CNGB3: variants seen among roughly 807,000 people sequenced by gnomAD.
The protein encoded by CNGB3 is cyclic nucleotide gated channel subunit beta 3.
A neutral mutation model predicts 92.8 loss-of-function variants in CNGB3; 86 were observed. The observed-to-expected ratio is 0.93, with a 90% confidence interval of 0.78 to 1.11. The LOEUF (loss-of-function observed/expected upper bound fraction) is 1.11, where lower values mean the gene tolerates loss of function less well. CNGB3 is among the 50% of genes least tolerant of loss of function. The pLI is 0.00. For synonymous variants in CNGB3, 333 were observed against 332.7 expected, an observed-to-expected ratio of 1.00 and a Z score of -0.01; for missense variants, 1,026 against 956.8, an observed-to-expected ratio of 1.07 and a Z score of -0.95.
intron 3 of CNGB3, among the ~76,000 whole-genome samples, chr8:86,686,135 G>C (rs1824183717): frequency 6.6e-6 from 1 of 152,082 alleles, no homozygotes; most frequent in Non-Finnish European, 1.5e-5. Flanking sequence ...CTCTCCTGAT[G>C]AACATTGTCA....
intron 15 of CNGB3, among the ~76,000 whole-genome samples, chr8:86,590,746 G>T (rs1050568352): frequency 1.4e-5 from 2 of 144,604 alleles, no homozygotes; most frequent in Non-Finnish European, 3.0e-5. Flanking sequence ...AGGGTAACCC[G>T]ACCTTTCTCT....
At chr8:86,584,810 C>A (rs865877169) in intron 15 of CNGB3, among the ~76,000 whole-genome samples, 4 of 152,080 alleles carry the variant, frequency 2.6e-5, no homozygotes, top group Non-Finnish European at 5.9e-5. Flanking sequence ...TTTGCTATGA[C>A]CTTAGACAAT....
chr8:86,742,296 T>C (rs1014871263), intron 1 of CNGB3, among the ~76,000 whole-genome samples: 1 of 152,228 alleles, frequency 6.6e-6, no homozygotes, highest in Non-Finnish European at 1.5e-5. Context: ...TGTGACATTG[T>C]ATGAGTTCTT....
At chr8:86,600,652 C>T (rs1276505215) in intron 15 of CNGB3, among the ~76,000 whole-genome samples, 4 of 150,906 alleles carry the variant, frequency 2.7e-5, no homozygotes, top group Admixed American at 2.6e-4. Context: ...CCCTGTCACC[C>T]AGGCTGGAGC....
rs766409709 is a variant in CNGB3 at position 86,579,182 on chromosome 8, T to C, written c.1852A>G (p.Thr618Ala). ...VVAHGFANLL[T>A]LDKKTLQEIL... ...TCTTGGAGGGTCTTTTTGTCTAGAG[T>C]TAAAAGATTGGCAAACCCGTGGGCC... The change falls in exon 16 of 18, where the codon ACT becomes GCT. Residue 618 changes from threonine (T) to alanine (A), a missense_variant. By Grantham distance (58) the Thr-to-Ala change is moderately conservative. Transcript: ENST00000320005. The C allele has an allele frequency of 1.4e-5, 23 of 1,613,968 alleles. No individual in the cohort carries two copies. Among genetic ancestry groups the C allele is most frequent in the Non-Finnish European group, 1.8e-5 (21 of 1,180,010 alleles).
chr8:86,648,127 A>C (rs16916427), intron 7 of CNGB3, among the ~76,000 whole-genome samples: 47,870 of 150,966 alleles, frequency 0.32, 8,896 homozygotes, highest in Middle Eastern at 0.51. Flanking sequence ...ATCTCTCCTT[A>C]GGCGTTGCAT....
At chr8:86,651,783 T>G (rs1341999923) in intron 7 of CNGB3, among the ~76,000 whole-genome samples, 1 of 151,976 alleles carries the variant, frequency 6.6e-6, no homozygotes, top group African/African-American at 2.4e-5. Flanking sequence ...CAAGACAATT[T>G]GCAAAGCATG....
intron 3 of CNGB3, among the ~76,000 whole-genome samples, chr8:86,688,708 T>TG (rs1824237460): frequency 6.6e-6 from 1 of 152,040 alleles, no homozygotes; most frequent in Admixed American, 6.6e-5. Context: ...TATATTTTTT[T>TG]CTTAGTCTTG....
chr8:86,619,968 GCCTCAA>G (rs1301938042), intron 13 of CNGB3, among the ~76,000 whole-genome samples: 6 of 151,998 alleles, frequency 3.9e-5, no homozygotes, highest in Non-Finnish European at 8.8e-5. Context: ...CAATCCTCTT[GCCTCAA>G]CCTCCCAAAG....
intron 14 of CNGB3, among the ~76,000 whole-genome samples, chr8:86,607,303 G>A (rs1822429017): frequency 6.6e-6 from 1 of 152,142 alleles, no homozygotes. Flanking sequence ...GAGAATAAGG[G>A]CTGACAGCAT....
At chr8:86,650,490 T>C (rs2131600007) in intron 7 of CNGB3, among the ~76,000 whole-genome samples, 1 of 151,094 alleles carries the variant, frequency 6.6e-6, no homozygotes, top group Non-Finnish European at 1.5e-5. Context: ...CAACCGATCT[T>C]TGTAACAAGA....
At chr8:86,700,789 C>T (rs1375038080) in intron 3 of CNGB3, among the ~76,000 whole-genome samples, 3 of 152,084 alleles carry the variant, frequency 2.0e-5, no homozygotes, top group Non-Finnish European at 4.4e-5. Context: ...TAGACTGTGC[C>T]ACCACGCTGG....
At chr8:86,593,649 G>T in intron 15 of CNGB3, 3 of 524,548 alleles carry the variant, frequency 5.7e-6, no homozygotes, top group Admixed American at 2.7e-5. Context: ...CCCCACTGAG[G>T]TGGACCCTAA....
intron 3 of CNGB3, among the ~76,000 whole-genome samples, chr8:86,672,731 T>C (rs943012487): frequency 6.6e-6 from 1 of 152,186 alleles, no homozygotes; most frequent in Non-Finnish European, 1.5e-5. Context: ...CCCACAGATA[T>C]ATTACATCTA....
chr8:86,674,103 G>T (rs973141715), intron 3 of CNGB3, among the ~76,000 whole-genome samples: 2 of 152,176 alleles, frequency 1.3e-5, no homozygotes, highest in African/African-American at 2.4e-5. Context: ...TGATGTGCCT[G>T]AGTGCTTTAA....
chr8:86,649,922 C>A (rs1007072482), intron 7 of CNGB3, among the ~76,000 whole-genome samples: 2 of 151,548 alleles, frequency 1.3e-5, no homozygotes, highest in Non-Finnish European at 3.0e-5. Context: ...TATCCAGAAT[C>A]TACAAGGAAC....
At chr8:86,623,938 T>C (rs1013349965) in intron 13 of CNGB3, among the ~76,000 whole-genome samples, 1 of 152,192 alleles carries the variant, frequency 6.6e-6, no homozygotes, top group African/African-American at 2.4e-5. Flanking sequence ...TCAATAACCC[T>C]GGGTCTGTTC....
intron 7 of CNGB3, among the ~76,000 whole-genome samples, chr8:86,649,313 A>G (rs1350678324): frequency 6.6e-6 from 1 of 151,732 alleles, no homozygotes; most frequent in Non-Finnish European, 1.5e-5. Context: ...AATTAGAAAA[A>G]ACAATTCTAA....
intron 3 of CNGB3, among the ~76,000 whole-genome samples, chr8:86,701,612 C>T (rs1183183554): frequency 6.6e-6 from 1 of 152,118 alleles, no homozygotes; most frequent in African/African-American, 2.4e-5. Flanking sequence ...TGCAATAATG[C>T]ATTTGTTTAT....
Sources: gnomAD v4.1 joint callset for allele counts (sites outside exome capture counted in the v4.1 genomes callset) on GRCh38, gnomAD v4.1.1 for gene constraint, MANE v1.5 for transcripts, NCBI Gene and HGNC (gene_info 2026-07-23, HGNC 2026-07-21) for gene names.